The following DHX30 variants were observed in gnomAD, a reference collection of about 807,000 sequenced individuals.
The protein encoded by DHX30 is DExH-box helicase 30, also known as ATP-dependent RNA helicase DHX30.
DHX30 carries 4 observed loss-of-function variants against 116.9 expected under a neutral mutation model. The observed-to-expected ratio is 0.03, with a 90% CI of 0.02 to 0.08. DHX30 has a LOEUF of 0.08. Among genes scored for constraint, DHX30 ranks in the 10% least tolerant of loss-of-function variants. The pLI, the probability that DHX30 is intolerant of heterozygous loss-of-function variation, is 1.00. For missense variants in DHX30, 871 were observed against 1,595.1 expected (o/e 0.55, Z 7.73); for synonymous variants, 697 against 651.7 (o/e 1.07, Z -1.06).
chr3:47,812,341 T>C (rs2035835037), intron 3 of DHX30, among the ~76,000 whole-genome samples: 1 of 151,830 alleles, frequency 6.6e-6, no homozygotes. Flanking sequence ...GCGGATCACT[T>C]GAGGTCAGGC....
rs867803754 is a variant in DHX30, at chr3:47,807,834, G to C, written c.-28+2414G>C. 3.3e-5 allele frequency among the ~76,000 whole-genome samples: 5 copies of C among 151,410 alleles called. No individual in the cohort carries two copies. The South Asian group carries it at 1.0e-3, about 32-fold the overall frequency. On this transcript the variant is annotated intron_variant, in intron 2 of 21. Coordinates refer to ENST00000445061, the MANE Select transcript of DHX30 (RefSeq NM_138615.3). ...TGGTCTTGAACTCCTGGCCTCAAGC[G>C]ATCCTTCACCTGGGCGTCCCAAAGT... is the stretch of plus-strand genomic sequence containing the variant.
At chr3:47,825,193 G>A in intron 4 of DHX30, 1 of 658,070 alleles carries the variant, frequency 1.5e-6, no homozygotes, top group Non-Finnish European at 2.7e-6. Flanking sequence ...CGCCGAGGCC[G>A]AGTCAGGGAT....
chr3:47,848,287 C>T lies in DHX30; in HGVS notation c.2394C>T (p.Ser798=), dbSNP rs776565517. The change falls in exon 15 of 22, where the codon AGC becomes AGT. Residue 798 remains serine, a synonymous_variant. Coordinates refer to ENST00000445061, the MANE Select transcript of DHX30 (RefSeq NM_138615.3). This position sits in a 1 kb window ranked among gnomAD's most constrained non-coding sequence, Gnocchi z 9.4. Reference sequence around the variant, plus strand: ...TTGCCTACCACTTGTTCCCTCGAAGCCGGCTGGAGAAAATGGTCCCTTTCC... The same window carrying T: ...TTGCCTACCACTTGTTCCCTCGAAGTCGGCTGGAGAAAATGGTCCCTTTCC... The part of the protein sequence containing the change: ...SGFAYHLFPR[S]RLEKMVPFQV... The T allele has an allele frequency of 5.6e-6, 9 of 1,613,764 alleles. No homozygotes were observed. The Admixed American group carries it at 1.5e-4, about 27-fold the overall frequency.
At chr3:47,834,411 T>C (rs2037009287) in intron 6 of DHX30, among the ~76,000 whole-genome samples, 1 of 151,720 alleles carries the variant, frequency 6.6e-6, no homozygotes, top group South Asian at 2.1e-4. Flanking sequence ...GCCCATGTGG[T>C]ATTTTCTTTG....
chr3:47,840,843 TATCA>T (rs748080621), intron 6 of DHX30, 30 bp from the exon 7 acceptor site: 60 of 1,613,284 alleles, frequency 3.7e-5, no homozygotes, highest in Non-Finnish European at 4.9e-5. Flanking sequence ...GTAAAGATGG[TATCA>T]ATCCTTAAAA....
intron 7 of DHX30, 107 bp downstream of exon 7, chr3:47,841,285 C>G: frequency 6.8e-7 from 1 of 1,467,060 alleles, no homozygotes; most frequent in East Asian, 2.5e-5. Flanking sequence ...CCCTGCCTCA[C>G]ATTTCAGCCT....
intron 8 of DHX30, chr3:47,842,364 T>C (rs1377601870): frequency 2.0e-5 from 3 of 152,802 alleles, no homozygotes; most frequent in Admixed American, 1.3e-4. Flanking sequence ...CTCCAAGAGA[T>C]AACAACATAA....
intron 7 of DHX30, 70 bp downstream of exon 7, chr3:47,841,248 T>C (rs2037362882): frequency 6.4e-7 from 1 of 1,563,226 alleles, no homozygotes; most frequent in East Asian, 2.3e-5. Context: ...GAATGTTCTC[T>C]GCTAGCTTTC....
At chr3:47,828,612 G>A (rs1281792576) in intron 5 of DHX30, among the ~76,000 whole-genome samples, 1 of 151,806 alleles carries the variant, frequency 6.6e-6, no homozygotes, top group Non-Finnish European at 1.5e-5. Flanking sequence ...TCTACTAAAA[G>A]TACAAAAAAT....
Position 47,846,767 on chromosome 3 carries a change from C to T in DHX30, c.1695C>T (p.Asp565=), listed in dbSNP as rs151184284. 2.4e-5 allele frequency: 39 copies of T among 1,613,850 alleles called. No individual in the cohort carries two copies. The highest frequency in any genetic ancestry group is 3.2e-5 in the Non-Finnish European group (38 of 1,180,036). The change falls in exon 11 of 22, where the codon GAC becomes GAT. Residue 565 remains aspartate (D), a synonymous_variant. Coordinates refer to ENST00000445061, the MANE Select transcript of DHX30 (RefSeq NM_138615.3). ...HVIVDEVHER[D]VNTDFLLILL... is the part of the protein sequence containing the mutation. ...TCGTGGATGAGGTGCATGAGCGGGA[C>T]GTGAACACAGACTTTCTGCTGATCC...
chr3:47,838,186 C>G (rs1254728597), intron 6 of DHX30, among the ~76,000 whole-genome samples: 4 of 152,158 alleles, frequency 2.6e-5, no homozygotes, highest in African/African-American at 9.7e-5. Flanking sequence ...CCCAAGGGTT[C>G]GCGAATGTGT....
chr3:47,804,509 C>T (rs1323049312), intron 1 of DHX30, among the ~76,000 whole-genome samples: 1 of 152,172 alleles, frequency 6.6e-6, no homozygotes, highest in Admixed American at 6.5e-5. Flanking sequence ...GAGCCAAGAT[C>T]GCGCCATTTC....
chr3:47,815,889 A>G, intron 3 of DHX30: 6 of 979,216 alleles, frequency 6.1e-6, no homozygotes, highest in Non-Finnish European at 7.3e-6. Context: ...CTCTCTCCCA[A>G]TTGCTGAAAA....
chr3:47,812,987 G>A (rs1376114919), intron 3 of DHX30, among the ~76,000 whole-genome samples: 5 of 151,546 alleles, frequency 3.3e-5, no homozygotes, highest in African/African-American at 1.2e-4. Context: ...TGAGATTTGG[G>A]TAGGGACAAA....
intron 4 of DHX30, among the ~76,000 whole-genome samples, chr3:47,821,278 T>C (rs1392011920): frequency 6.6e-6 from 1 of 151,306 alleles, no homozygotes; most frequent in Non-Finnish European, 1.5e-5. Context: ...TTCTTTTTTC[T>C]TTTTTTGATG....
At chr3:47,849,387 C>T (rs1253641032) in intron 19 of DHX30, 38 bp downstream of exon 19, 1 of 1,590,000 alleles carries the variant, frequency 6.3e-7, no homozygotes, top group Non-Finnish European at 8.6e-7. Context: ...CACCAGGTCC[C>T]AGCCTCCTTC....
intron 5 of DHX30, among the ~76,000 whole-genome samples, chr3:47,828,124 T>C (rs188686981): frequency 1.6e-3 from 245 of 151,894 alleles, no homozygotes; most frequent in Non-Finnish European, 2.4e-3. Flanking sequence ...CCTCCCAAAA[T>C]TGTGGGAGAC....
In DHX30 at chr3:47,848,455, T is replaced by G; in HGVS notation, c.2494-14T>G. On this transcript the variant is annotated splice_polypyrimidine_tract_variant and intron_variant, in intron 15 of 21. Transcript: ENST00000445061. This position sits in a 1 kb window ranked among gnomAD's most constrained non-coding sequence, Gnocchi z 9.4. The stretch of plus-strand genomic sequence containing the variant: ...TGGGAGGCAGGCTCATGGCGGGCTC[T>G]GGCTCTGTCATAGGCGGTGGAGTTC... 1 of 1,613,986 alleles carries G rather than the reference T, an allele frequency of 6.2e-7. No individual in the cohort carries two copies. Among genetic ancestry groups the G allele is most frequent in the Non-Finnish European group, 8.5e-7 (1 of 1,179,988 alleles).
chr3:47,843,725 C>T (rs2037477470), intron 9 of DHX30, among the ~76,000 whole-genome samples: 1 of 152,044 alleles, frequency 6.6e-6, no homozygotes, highest in African/African-American at 2.4e-5. Context: ...TTTTTTGAGA[C>T]AGGGTCTCTG....
Sources: gnomAD v4.1 joint callset for allele counts (sites outside exome capture counted in the v4.1 genomes callset) on GRCh38, gnomAD v4.1.1 for gene constraint, Gnocchi (gnomAD v3.1) non-coding constraint, MANE v1.5 for transcripts, NCBI Gene and HGNC (gene_info 2026-07-23, HGNC 2026-07-21) for gene names.